ANGPT1: variants seen among roughly 807,000 people sequenced by gnomAD.
ANGPT1 encodes angiopoietin-1.
ANGPT1 carries 17 observed loss-of-function variants against 62.2 expected under a neutral mutation model. The ratio of observed to expected loss-of-function variants is 0.27; its 90% CI spans 0.19 to 0.41. The LOEUF is 0.41. ANGPT1 is among the 10% of genes least tolerant of loss of function. The pLI is 1.00. For synonymous variants in ANGPT1, 199 were observed against 198.9 expected (o/e 1.00, Z 0.00); for missense variants, 478 against 594.9 (o/e 0.80, Z 2.04).
intron 1 of ANGPT1, among the ~76,000 whole-genome samples, chr8:107,373,270 G>GATTT (rs758663497): frequency 1.9e-3 from 116 of 61,586 alleles, no homozygotes; most frequent in East Asian, 0.013. Flanking sequence ...GTACAAAATA[G>GATTT]ATTTTTTTTT....
chr8:107,276,030 A>G (rs892210739), intron 7 of ANGPT1, among the ~76,000 whole-genome samples: 2 of 152,098 alleles, frequency 1.3e-5, no homozygotes, highest in African/African-American at 4.8e-5. Context: ...TTTTCCCAAC[A>G]CTTAAAAGAC....
At chr8:107,433,888 G>C (rs542637515) in intron 1 of ANGPT1, among the ~76,000 whole-genome samples, 1 of 152,288 alleles carries the variant, frequency 6.6e-6, no homozygotes, top group South Asian at 2.1e-4. Context: ...GGATGTTATA[G>C]ATTCCCTCAC....
intron 1 of ANGPT1, among the ~76,000 whole-genome samples, chr8:107,492,050 T>A (rs560106498): frequency 7.3e-6 from 1 of 136,222 alleles, no homozygotes; most frequent in Non-Finnish European, 1.6e-5. Context: ...TCTGAAAGGG[T>A]TTTTTTTGGA....
At chr8:107,415,504 G>A (rs1452608309) in intron 1 of ANGPT1, among the ~76,000 whole-genome samples, 2 of 152,056 alleles carry the variant, frequency 1.3e-5, no homozygotes, top group Non-Finnish European at 2.9e-5. Context: ...TTCCCCCATT[G>A]CCAGAAAAGG....
chr8:107,347,408 T>G (rs947798201), intron 1 of ANGPT1, among the ~76,000 whole-genome samples: 4 of 150,028 alleles, frequency 2.7e-5, no homozygotes, highest in Non-Finnish European at 4.4e-5. Flanking sequence ...ACAGTCAGCT[T>G]TATTGTTTTG....
chr8:107,389,876 T>C (rs1816801127), intron 1 of ANGPT1, among the ~76,000 whole-genome samples: 1 of 151,544 alleles, frequency 6.6e-6, no homozygotes, highest in Non-Finnish European at 1.5e-5. Context: ...TGCTGTACCA[T>C]CCCTCTGTAC....
intron 1 of ANGPT1, among the ~76,000 whole-genome samples, chr8:107,359,197 C>T (rs151331737): frequency 0.01 from 1,524 of 152,220 alleles, 22 homozygotes; most frequent in African/African-American, 0.035. Context: ...CATATCCCAA[C>T]GCCTGACTTA....
At chr8:107,356,656 G>T (rs1280232158) in intron 1 of ANGPT1, among the ~76,000 whole-genome samples, 4 of 152,194 alleles carry the variant, frequency 2.6e-5, no homozygotes, top group African/African-American at 7.2e-5. Context: ...AGGGCTAGGG[G>T]ATAAGAAAGG....
chr8:107,414,509 G>A (rs1163055008), intron 1 of ANGPT1, among the ~76,000 whole-genome samples: 7 of 152,028 alleles, frequency 4.6e-5, no homozygotes, highest in African/African-American at 1.7e-4. Context: ...TACCTTACCT[G>A]TCTGTAAAAG....
intron 1 of ANGPT1, among the ~76,000 whole-genome samples, chr8:107,349,121 A>AC (rs1815874268): frequency 3.8e-5 from 3 of 78,176 alleles, no homozygotes; most frequent in South Asian, 9.8e-4. Flanking sequence ...AGATAAGGAG[A>AC]TTAGATAGAT....
chr8:107,253,341 C>A (rs1014876079), intron 8 of ANGPT1, among the ~76,000 whole-genome samples: 5 of 152,114 alleles, frequency 3.3e-5, no homozygotes, highest in African/African-American at 1.2e-4. Context: ...AAGATTAATT[C>A]TTCTAATTTT....
intron 1 of ANGPT1, among the ~76,000 whole-genome samples, chr8:107,369,804 G>GT (rs1816345035): frequency 6.6e-6 from 1 of 152,094 alleles, no homozygotes; most frequent in Non-Finnish European, 1.5e-5. Context: ...TCATTTGAGT[G>GT]TGGTTCATGG....
intron 1 of ANGPT1, among the ~76,000 whole-genome samples, chr8:107,448,613 C>A (rs1014535456): frequency 4.0e-5 from 6 of 151,898 alleles, no homozygotes; most frequent in African/African-American, 9.7e-5. Context: ...GACTGGCAAC[C>A]CAGGAAGTGA....
At chr8:107,300,590 T>C (rs181201761) in intron 5 of ANGPT1, among the ~76,000 whole-genome samples, 18 of 151,964 alleles carry the variant, frequency 1.2e-4, no homozygotes, top group South Asian at 8.3e-4. Flanking sequence ...CCAGGTAATA[T>C]TGGAACTTCT....
intron 1 of ANGPT1, among the ~76,000 whole-genome samples, chr8:107,431,190 C>T (rs903837483): frequency 2.0e-5 from 3 of 152,098 alleles, no homozygotes; most frequent in African/African-American, 7.2e-5. Context: ...GTGTTTAGCA[C>T]ATTACATTGT....
chr8:107,366,958 C>A (rs371787351), intron 1 of ANGPT1, among the ~76,000 whole-genome samples: 1 of 152,112 alleles, frequency 6.6e-6, no homozygotes, highest in South Asian at 2.1e-4. Flanking sequence ...GTGGAGAGAC[C>A]CACATGGTGA....
chr8:107,388,941 A>G (rs1023999256), intron 1 of ANGPT1, among the ~76,000 whole-genome samples: 6 of 152,190 alleles, frequency 3.9e-5, no homozygotes, highest in Admixed American at 1.3e-4. Flanking sequence ...GGAGCCTGAC[A>G]TATTGTTTAT....
intron 1 of ANGPT1, among the ~76,000 whole-genome samples, chr8:107,370,000 G>C (rs1222976042): frequency 6.6e-6 from 1 of 151,674 alleles, no homozygotes; most frequent in Non-Finnish European, 1.5e-5. Context: ...GCTGGGTGTG[G>C]TGGCACGCAT....
intron 1 of ANGPT1, among the ~76,000 whole-genome samples, chr8:107,366,498 A>G (rs1329861387): frequency 6.6e-6 from 1 of 152,222 alleles, no homozygotes; most frequent in Non-Finnish European, 1.5e-5. Context: ...TTTTTTTAAG[A>G]TCATTGTATA....
Sources: gnomAD v4.1 joint callset for allele counts (sites outside exome capture counted in the v4.1 genomes callset) on GRCh38, gnomAD v4.1.1 for gene constraint, MANE v1.5 for transcripts, NCBI Gene and HGNC (gene_info 2026-07-23, HGNC 2026-07-21) for gene names.